The following PTPRD variants were observed in gnomAD, a reference collection of about 807,000 sequenced individuals.
PTPRD encodes receptor-type tyrosine-protein phosphatase delta.
PTPRD carries 34 observed loss-of-function variants against 214.5 expected under a neutral mutation model. The observed-to-expected ratio is 0.16, with a 90% confidence interval of 0.12 to 0.21. The LOEUF is 0.21. Ranked by LOEUF, PTPRD falls within the 10% of genes least tolerant of loss-of-function variation. The pLI, the probability that PTPRD is intolerant of heterozygous loss-of-function variation, is 1.00. For synonymous variants in PTPRD, 1,128 were observed against 845.7 expected, an observed-to-expected ratio of 1.33 and a Z score of -5.79; for missense variants, 2,545 against 2,398.7, an observed-to-expected ratio of 1.06 and a Z score of -1.27.
chr9:8,604,234 T>C (rs1434271766), intron 14 of PTPRD, among the ~76,000 whole-genome samples: 2 of 152,110 alleles, frequency 1.3e-5, no homozygotes, highest in Non-Finnish European at 2.9e-5. Flanking sequence ...CTTTAAGGTA[T>C]AGTCGAGGAA....
At chr9:10,323,919 C>A (rs2096599278) in intron 3 of PTPRD, among the ~76,000 whole-genome samples, 1 of 151,864 alleles carries the variant, frequency 6.6e-6, no homozygotes, top group African/African-American at 2.4e-5. Context: ...TAGAAGAGCA[C>A]TTGTTCTCTA....
At chr9:8,909,559 C>G (rs767081243) in intron 11 of PTPRD, among the ~76,000 whole-genome samples, 2 of 152,084 alleles carry the variant, frequency 1.3e-5, no homozygotes, top group South Asian at 4.1e-4. Flanking sequence ...ATTCCAGATA[C>G]AAACTTTCAA....
At chr9:9,849,917 G>A (rs185238638) in intron 5 of PTPRD, among the ~76,000 whole-genome samples, 26 of 152,146 alleles carry the variant, frequency 1.7e-4, no homozygotes, top group African/African-American at 3.4e-4. Context: ...GTCCTACAGC[G>A]GAATAAGATC....
At chr9:9,863,903 T>A (rs890819741) in intron 5 of PTPRD, among the ~76,000 whole-genome samples, 1 of 152,094 alleles carries the variant, frequency 6.6e-6, no homozygotes, top group Non-Finnish European at 1.5e-5. Context: ...CTGATCCCTG[T>A]CCAGTCTCTG....
intron 10 of PTPRD, among the ~76,000 whole-genome samples, chr9:9,099,570 G>A (rs755835457): frequency 1.3e-5 from 2 of 152,106 alleles, no homozygotes; most frequent in Non-Finnish European, 1.5e-5. Flanking sequence ...CAAAGTAGGA[G>A]AACAATATCT....
chr9:8,442,479 A>G (rs1383168149), intron 34 of PTPRD, among the ~76,000 whole-genome samples: 1 of 152,166 alleles, frequency 6.6e-6, no homozygotes, highest in Non-Finnish European at 1.5e-5. Context: ...TGTGTTTGTA[A>G]TGACTCAGTA....
chr9:10,325,766 C>T (rs144186857), intron 3 of PTPRD, among the ~76,000 whole-genome samples: 25 of 151,846 alleles, frequency 1.6e-4, no homozygotes, highest in African/African-American at 6.0e-4. Context: ...TAATTGATGC[C>T]TGATTTTTCA....
chr9:8,567,165 CAAA>C (rs1366179342), intron 14 of PTPRD, among the ~76,000 whole-genome samples: 2 of 152,040 alleles, frequency 1.3e-5, no homozygotes, highest in African/African-American at 4.8e-5. Flanking sequence ...ACCAGAAATG[CAAA>C]AAACACAAAC....
intron 10 of PTPRD, among the ~76,000 whole-genome samples, chr9:9,078,086 C>T (rs1021653421): frequency 1.3e-5 from 2 of 152,112 alleles, no homozygotes; most frequent in Non-Finnish European, 2.9e-5. Context: ...CTAAGACCTT[C>T]ATATAACATT....
At chr9:8,521,045 T>G (rs1227788279) in intron 20 of PTPRD, among the ~76,000 whole-genome samples, 1 of 152,166 alleles carries the variant, frequency 6.6e-6, no homozygotes, top group Non-Finnish European at 1.5e-5. Flanking sequence ...ATGGACTGTC[T>G]TTTAATATTC....
intron 9 of PTPRD, among the ~76,000 whole-genome samples, chr9:9,195,716 CA>C (rs373628761): frequency 2.3e-3 from 296 of 130,150 alleles, no homozygotes; most frequent in Middle Eastern, 0.013. Context: ...TTTTTAAATG[CA>C]AAAAAAAAAA....
At chr9:10,171,089 C>A (rs564858813) in intron 3 of PTPRD, among the ~76,000 whole-genome samples, 3 of 152,164 alleles carry the variant, frequency 2.0e-5, no homozygotes, top group African/African-American at 7.2e-5. Flanking sequence ...CAAACAGCAA[C>A]AATGTACATT....
chr9:8,667,463 C>T (rs1187961884), intron 12 of PTPRD, among the ~76,000 whole-genome samples: 3 of 152,106 alleles, frequency 2.0e-5, no homozygotes, highest in Non-Finnish European at 4.4e-5. Context: ...ATCTGAAATC[C>T]AAAATGTTTC....
intron 11 of PTPRD, among the ~76,000 whole-genome samples, chr9:8,872,205 A>G (rs1356805980): frequency 1.3e-5 from 2 of 152,184 alleles, no homozygotes; most frequent in East Asian, 1.9e-4. Flanking sequence ...GGAATGTGAC[A>G]GTGAGAATGC....
At chr9:8,748,522 C>CAAAAAAAAAAAAAAA (rs1239091825) in intron 11 of PTPRD, among the ~76,000 whole-genome samples, 5 of 37,844 alleles carry the variant, frequency 1.3e-4, no homozygotes, top group African/African-American at 3.6e-4. Flanking sequence ...CCTGCAACTG[C>CAAAAAAAAAAAAAAA]AAAAAAAAAA....
intron 12 of PTPRD, among the ~76,000 whole-genome samples, chr9:8,645,582 T>C (rs1009025186): frequency 9.2e-5 from 14 of 152,026 alleles, no homozygotes; most frequent in Non-Finnish European, 1.6e-4. Context: ...TGCCTCTGTA[T>C]GACTACCAAT....
chr9:9,237,465 A>G (rs766540852), intron 9 of PTPRD, among the ~76,000 whole-genome samples: 3 of 152,124 alleles, frequency 2.0e-5, no homozygotes, highest in Non-Finnish European at 2.9e-5. Context: ...AACTATCCTT[A>G]TCTCAAAAAC....
In PTPRD at chr9:9,831,954, G is replaced by T. The variant is rs191751379; in HGVS notation, c.-367-65103C>A. Among the ~76,000 whole-genome samples the T allele has an allele frequency of 2.5e-3, 387 of 152,074 alleles. 1 individual carries two copies. Among genetic ancestry groups the T allele is most frequent in the Non-Finnish European group, 4.7e-3 (318 of 67,952 alleles). On this transcript the variant is annotated intron_variant, in intron 5 of 45. Coordinates refer to ENST00000381196, the MANE Select transcript of PTPRD (RefSeq NM_002839.4). ...ACCCAACCGCGAATCTCATTAAGTG[G>T]CATTTCAATGTCAGACATTACTGGG...
intron 3 of PTPRD, among the ~76,000 whole-genome samples, chr9:10,096,694 G>A (rs10958884): frequency 1.3e-5 from 2 of 151,880 alleles, no homozygotes; most frequent in African/African-American, 2.4e-5. Context: ...TAGGTTGCCT[G>A]TTCACTCTGA....
Sources: allele counts gnomAD v4.1 joint callset (sites outside exome capture counted in the v4.1 genomes callset), GRCh38; gene constraint gnomAD v4.1.1; transcripts MANE v1.5; gene names NCBI Gene and HGNC (gene_info 2026-07-23, HGNC 2026-07-21).